ABTB3: variants seen among roughly 807,000 people sequenced by gnomAD.
ABTB3 encodes the protein ankyrin repeat- and BTB/POZ domain-containing protein 3.
chr12:107,625,701 G>A, the ABTB3 span, among the ~76,000 whole-genome samples: 2 of 152,092 alleles, frequency 1.3e-5, no homozygotes, highest in African/African-American at 4.8e-5. Context: ...CCAGCAGGGA[G>A]TGGGAGGGAT....
chr12:107,617,447 A>G, the ABTB3 span: 1 of 1,613,766 alleles, frequency 6.2e-7, no homozygotes, highest in Non-Finnish European at 8.5e-7. Flanking sequence ...GTAGGCTAGG[A>G]TGGGCCAAAG....
chr12:107,433,319 A>G, the ABTB3 span, among the ~76,000 whole-genome samples: 61 of 151,056 alleles, frequency 4.0e-4, no homozygotes, highest in Non-Finnish European at 7.7e-4. Flanking sequence ...AAAAAAAAAA[A>G]AAAAAGACAA....
the ABTB3 span, among the ~76,000 whole-genome samples, chr12:107,459,304 C>A: frequency 9.2e-5 from 14 of 152,288 alleles, no homozygotes; most frequent in Admixed American, 5.2e-4. Flanking sequence ...CCGCACTGAA[C>A]CCCATGGTAA....
chr12:107,644,907 G>A, the ABTB3 span, among the ~76,000 whole-genome samples: 2,484 of 147,510 alleles, frequency 0.017, 61 homozygotes, highest in South Asian at 0.072. Flanking sequence ...TGCCACCAAG[G>A]ACATGATCTC....
chr12:107,442,631 G>A, the ABTB3 span, among the ~76,000 whole-genome samples: 1 of 152,232 alleles, frequency 6.6e-6, no homozygotes, highest in East Asian at 1.9e-4. Flanking sequence ...AATGGTTCCA[G>A]GATTAGTGGT....
the ABTB3 span, among the ~76,000 whole-genome samples, chr12:107,489,665 T>C: frequency 6.6e-6 from 1 of 152,212 alleles, no homozygotes; most frequent in Non-Finnish European, 1.5e-5. Context: ...CAGGTGTTTT[T>C]ATGATAGTCC....
the ABTB3 span, among the ~76,000 whole-genome samples, chr12:107,469,989 T>TC: frequency 3.9e-5 from 4 of 103,222 alleles, no homozygotes; most frequent in African/African-American, 2.1e-4. Flanking sequence ...TCTTTCTTTC[T>TC]TTCTTTCTTT....
At chr12:107,356,379 G>A in the ABTB3 span, among the ~76,000 whole-genome samples, 114 of 152,304 alleles carry the variant, frequency 7.5e-4, no homozygotes, top group African/African-American at 2.7e-3. Flanking sequence ...GGAGAAGATC[G>A]GAAGGAATCC....
At chr12:107,594,857 G>A in the ABTB3 span, among the ~76,000 whole-genome samples, 1 of 152,052 alleles carries the variant, frequency 6.6e-6, no homozygotes, top group Middle Eastern at 3.2e-3. Context: ...CAAAAAAATT[G>A]TATTACCCTA....
the ABTB3 span, among the ~76,000 whole-genome samples, chr12:107,573,234 C>T: frequency 6.6e-6 from 1 of 152,216 alleles, no homozygotes; most frequent in East Asian, 1.9e-4. Context: ...CTCCCTACCT[C>T]AGCCAATTGT....
chr12:107,489,410 C>T, the ABTB3 span, among the ~76,000 whole-genome samples: 1 of 152,078 alleles, frequency 6.6e-6, no homozygotes, highest in Non-Finnish European at 1.5e-5. Flanking sequence ...ATCCCAGATA[C>T]TTGGGAGGCT....
At chr12:107,469,977 T>C in the ABTB3 span, among the ~76,000 whole-genome samples, 2 of 89,740 alleles carry the variant, frequency 2.2e-5, no homozygotes, top group African/African-American at 1.4e-4. Flanking sequence ...TCTTTCTTTC[T>C]TTCTTTCTTT....
the ABTB3 span, among the ~76,000 whole-genome samples, chr12:107,549,872 C>T: frequency 1.3e-5 from 2 of 152,078 alleles, no homozygotes; most frequent in East Asian, 1.9e-4. Flanking sequence ...TTTGAAGAGG[C>T]CTTGGAAGCT....
the ABTB3 span, among the ~76,000 whole-genome samples, chr12:107,518,645 C>A: frequency 1.3e-5 from 2 of 151,826 alleles, no homozygotes; most frequent in African/African-American, 4.8e-5. Context: ...GGAGATATAC[C>A]TAATGTAAAT....
the ABTB3 span, among the ~76,000 whole-genome samples, chr12:107,652,621 C>T: frequency 6.6e-6 from 1 of 152,294 alleles, no homozygotes; most frequent in South Asian, 2.1e-4. Flanking sequence ...TAGTCCCCCA[C>T]CCCCGATGAC....
chr12:107,420,593 T>C, the ABTB3 span, among the ~76,000 whole-genome samples: 1 of 152,144 alleles, frequency 6.6e-6, no homozygotes, highest in Non-Finnish European at 1.5e-5. Context: ...GGAGCTACAA[T>C]TCAAGATGAG....
At chr12:107,565,585 C>T in the ABTB3 span, among the ~76,000 whole-genome samples, 1 of 152,172 alleles carries the variant, frequency 6.6e-6, no homozygotes, top group East Asian at 1.9e-4. Flanking sequence ...CAAACACTCC[C>T]CCACTTTCCA....
At chr12:107,581,111 A>G in the ABTB3 span, 2 of 1,539,518 alleles carry the variant, frequency 1.3e-6, no homozygotes, top group Admixed American at 4.0e-5. Context: ...GCCTCCGGGG[A>G]GGCCCTAACG....
At chr12:107,520,730 C>A in the ABTB3 span, 1 of 1,499,100 alleles carries the variant, frequency 6.7e-7, no homozygotes, top group Non-Finnish European at 9.1e-7. Flanking sequence ...CCCCTCAGGG[C>A]ACTATTTTGT....
Sources: allele counts gnomAD v4.1 joint callset (sites outside exome capture counted in the v4.1 genomes callset), GRCh38; gene constraint gnomAD v4.1.1; transcripts MANE v1.5; gene names NCBI Gene and HGNC (gene_info 2026-07-23, HGNC 2026-07-21).